Variants in CREB3L1 observed in about 807,000 individuals in gnomAD.
CREB3L1 encodes cAMP responsive element binding protein 3 like 1.
A neutral mutation model predicts 54.5 loss-of-function variants in CREB3L1; 33 were observed. That is an observed-to-expected ratio of 0.61 (90% CI 0.46 to 0.81). The LOEUF is 0.81. Ranked by LOEUF, CREB3L1 falls within the 30% of genes least tolerant of loss-of-function variation. CREB3L1 has a pLI of 0.00. For missense variants in CREB3L1, 656 were observed against 673.3 expected, an observed-to-expected ratio of 0.97 and a Z score of 0.29; for synonymous variants, 284 against 286.4, an observed-to-expected ratio of 0.99 and a Z score of 0.08.
intron 1 of CREB3L1, among the ~76,000 whole-genome samples, chr11:46,289,471 T>G (rs1426345939): frequency 6.6e-6 from 1 of 152,154 alleles, no homozygotes; most frequent in Admixed American, 6.5e-5. Flanking sequence ...TAATTAGAGT[T>G]CAGGGCATGA....
At chr11:46,314,136 G>T (rs1939532101) in intron 8 of CREB3L1, among the ~76,000 whole-genome samples, 1 of 151,846 alleles carries the variant, frequency 6.6e-6, no homozygotes, top group South Asian at 2.1e-4. Context: ...TACTCAGGAG[G>T]TTGAGGGAAA....
chr11:46,302,586 C>T (rs1939319600), intron 2 of CREB3L1, among the ~76,000 whole-genome samples: 1 of 152,218 alleles, frequency 6.6e-6, no homozygotes, highest in African/African-American at 2.4e-5. Context: ...ATAGTACTCT[C>T]CAGTCTACAG....
At chr11:46,306,913 G>T (rs7929630) in intron 2 of CREB3L1, among the ~76,000 whole-genome samples, 29,429 of 147,052 alleles carry the variant, frequency 0.2, 2,949 homozygotes, top group African/African-American at 0.25. Context: ...TCTCACTCTT[G>T]CCCAGGCTGG....
chr11:46,301,798 A>C (rs1939307770), intron 2 of CREB3L1, among the ~76,000 whole-genome samples: 1 of 152,072 alleles, frequency 6.6e-6, no homozygotes, highest in African/African-American at 2.4e-5. Context: ...TAAAAATAGA[A>C]AAATTAGCCA....
At chr11:46,291,862 C>T (rs1379946747) in intron 1 of CREB3L1, among the ~76,000 whole-genome samples, 5 of 152,168 alleles carry the variant, frequency 3.3e-5, no homozygotes, top group Non-Finnish European at 5.9e-5. Flanking sequence ...AATACCACTC[C>T]TTCCAAAAAT....
Position 46,277,906 on chromosome 11 carries a change from G to C in CREB3L1, c.-206G>C. 2.6e-6 allele frequency: 1 copy of C among 383,758 alleles called. No homozygotes were observed. The highest frequency in any genetic ancestry group is 4.6e-6 in the Non-Finnish European group (1 of 217,152). 23.8% of individuals were successfully genotyped at this position (383,758 alleles called of 1,614,324 possible). A position where few individuals can be genotyped will look rare whatever the true frequency, so the allele number is the denominator to read the frequency against. ...CGCCCGGGGCCCCTGAGCCCATCCC[G>C]CTCCTAGCCGCTGCCCTAAGGCCCC... is the stretch of plus-strand genomic sequence containing the variant. On this transcript the variant is annotated 5_prime_UTR_variant, in exon 1 of 12. Coordinates refer to ENST00000621158, the MANE Select transcript of CREB3L1 (RefSeq NM_052854.4).
intron 1 of CREB3L1, among the ~76,000 whole-genome samples, chr11:46,291,147 G>C (rs905676867): frequency 2.6e-5 from 4 of 152,168 alleles, no homozygotes; most frequent in African/African-American, 9.7e-5. Flanking sequence ...ATGTGCCTTT[G>C]GGCTGGTGCC....
intron 8 of CREB3L1, among the ~76,000 whole-genome samples, chr11:46,313,547 G>A (rs972783409): frequency 4.6e-5 from 7 of 152,182 alleles, no homozygotes; most frequent in Middle Eastern, 3.4e-3. Context: ...TTAGCTGGGC[G>A]TGGTGGTGGG....
At chr11:46,302,448 C>T (rs1446498668) in intron 2 of CREB3L1, among the ~76,000 whole-genome samples, 3 of 152,100 alleles carry the variant, frequency 2.0e-5, no homozygotes, top group South Asian at 4.1e-4. Context: ...ATGGTCCCTT[C>T]GGGCATTTCC....
At position 46,293,714 on chromosome 11, in the gene CREB3L1, C is replaced by T. The variant is rs147894496; in HGVS notation, c.103-6221C>T. Reference sequence around the variant, plus strand: ...GCCCGGGGCTCCCAAATCTCCCTCACTGGTGTTCACATGACTCAGTCATCT... The same window carrying T: ...GCCCGGGGCTCCCAAATCTCCCTCATTGGTGTTCACATGACTCAGTCATCT... On this transcript the variant is annotated intron_variant, in intron 1 of 11. Coordinates refer to ENST00000621158, the MANE Select transcript of CREB3L1 (RefSeq NM_052854.4). 6.2e-4 allele frequency among the ~76,000 whole-genome samples: 94 copies of T among 152,340 alleles called. No homozygotes were observed. In the East Asian group the frequency reaches 0.017, roughly 28 times the overall value.
intron 1 of CREB3L1, among the ~76,000 whole-genome samples, chr11:46,292,036 T>G (rs1291955938): frequency 6.6e-6 from 1 of 152,188 alleles, no homozygotes; most frequent in African/African-American, 2.4e-5. Context: ...AGAGCAGCCC[T>G]GGCGGGTTGG....
chr11:46,320,035 A>T (rs967598759), intron 10 of CREB3L1, among the ~76,000 whole-genome samples: 12 of 152,024 alleles, frequency 7.9e-5, no homozygotes, highest in African/African-American at 2.7e-4. Flanking sequence ...CCTCATTTAA[A>T]CCTCTCATTT....
rs766879085 is a variant in CREB3L1 at position 46,312,676 on chromosome 11, G to A, written c.962+6G>A. ...GTGGAGTGTCTAGAAAAGAAGTAAG[G>A]GGCTTGGGAGGGGTGGGCAATCCAC... is the stretch of plus-strand genomic sequence containing the variant. On this transcript the variant is annotated splice_donor_region_variant and intron_variant, in intron 7 of 11. Coordinates refer to ENST00000621158, the MANE Select transcript of CREB3L1 (RefSeq NM_052854.4). 3.7e-6 allele frequency: 6 copies of A among 1,605,474 alleles called. No individual in the cohort carries two copies. The South Asian group carries it at 4.5e-5, about 12-fold the overall frequency.
chr11:46,280,137 C>T (rs1408427309), intron 1 of CREB3L1, among the ~76,000 whole-genome samples: 1 of 150,292 alleles, frequency 6.7e-6, no homozygotes, highest in Non-Finnish European at 1.5e-5. Flanking sequence ...CACCAGCCAG[C>T]GGGACAATTC....
At chr11:46,302,174 TA>T (rs1372321658) in intron 2 of CREB3L1, among the ~76,000 whole-genome samples, 3 of 78,520 alleles carry the variant, frequency 3.8e-5, no homozygotes, top group Non-Finnish European at 7.2e-5. Flanking sequence ...TCTCAAATAA[TA>T]ATAATAATAA....
At chr11:46,319,269 G>C (rs967286867) in intron 10 of CREB3L1, among the ~76,000 whole-genome samples, 12 of 152,200 alleles carry the variant, frequency 7.9e-5, no homozygotes, top group Non-Finnish European at 1.6e-4. Flanking sequence ...TGTTCACACA[G>C]ACTATGAGGT....
At chr11:46,305,570 TTA>T (rs1335228537) in intron 2 of CREB3L1, among the ~76,000 whole-genome samples, 24 of 147,626 alleles carry the variant, frequency 1.6e-4, no homozygotes, top group Non-Finnish European at 3.1e-4. Context: ...GAGTGATCTT[TTA>T]TATATATATA....
At position 46,320,881 on chromosome 11, in the gene CREB3L1, C is replaced by T. The variant is rs562006016; in HGVS notation, c.*135C>T. On this transcript the variant is annotated 3_prime_UTR_variant, in exon 12 of 12. Coordinates refer to ENST00000621158, the MANE Select transcript of CREB3L1 (RefSeq NM_052854.4). ...CAGGAGAAAAGGCTCCACTTCCCAG[C>T]CCTTCCTTGCCCCTGACATTTGGAC... The T allele has an allele frequency of 1.1e-6, 1 of 910,080 alleles. No individual in the cohort carries two copies. Among genetic ancestry groups the T allele is most frequent in the Non-Finnish European group, 1.8e-6 (1 of 563,600 alleles). The allele number at this position is 910,080 out of a possible 1,614,324, so 56.4% of individuals were successfully genotyped here.
At chr11:46,315,326 G>A (rs1425911050) in intron 8 of CREB3L1, 3 of 216,214 alleles carry the variant, frequency 1.4e-5, no homozygotes, top group African/African-American at 4.5e-5. Context: ...GCTGTACATT[G>A]TGGGAACTGC....
Sources: gnomAD v4.1 joint callset for allele counts (sites outside exome capture counted in the v4.1 genomes callset) on GRCh38, gnomAD v4.1.1 for gene constraint, MANE v1.5 for transcripts, NCBI Gene and HGNC (gene_info 2026-07-23, HGNC 2026-07-21) for gene names.